NSL1: variants seen among roughly 807,000 people sequenced by gnomAD.
NSL1 encodes the protein kinetochore-associated protein NSL1 homolog.
NSL1 carries 11 observed loss-of-function variants against 25.4 expected under a neutral mutation model. The ratio of observed to expected loss-of-function variants is 0.43; its 90% CI spans 0.27 to 0.72. The LOEUF (loss-of-function observed/expected upper bound fraction) is 0.72, where lower values mean the gene tolerates loss of function less well. Among genes scored for constraint, NSL1 ranks in the 30% least tolerant of loss-of-function variants. The pLI, the probability that NSL1 is intolerant of heterozygous loss-of-function variation, is 0.19. For synonymous variants in NSL1, 118 were observed against 120.6 expected (o/e 0.98, Z 0.14); for missense variants, 330 against 342.7 (o/e 0.96, Z 0.29).
chr1:212,761,022 T>C (rs1457151937), intron 4 of NSL1, among the ~76,000 whole-genome samples: 1 of 152,182 alleles, frequency 6.6e-6, no homozygotes, highest in Non-Finnish European at 1.5e-5. Flanking sequence ...GCAGAGACTA[T>C]ACTATTGCAC....
Position 212,787,612 on chromosome 1 carries a change from T to C in NSL1, c.260A>G (p.Asn87Ser). The C allele has an allele frequency of 6.2e-7, 1 of 1,607,222 alleles. No homozygotes were observed. The highest frequency in any genetic ancestry group is 2.2e-5 in the East Asian group (1 of 44,456). The change falls in exon 2 of 6, where the codon AAT becomes AGT. Residue 87 changes from asparagine (N) to serine (S), a missense_variant. Physicochemically the swap from Asn to Ser is conservative, Grantham distance 46. Transcript: ENST00000366977. ...QWTFESAVQENISINGQAWQE... is the reference protein window; with the variant it reads ...QWTFESAVQESISINGQAWQE... Reference sequence around the variant, plus strand: ...CCATGCTTGCCCATTAATGCTGATATTCTCTTGCACAGCTGATTCAAAAGT... The same window carrying C: ...CCATGCTTGCCCATTAATGCTGATACTCTCTTGCACAGCTGATTCAAAAGT...
At chr1:212,759,363 A>G (rs1424168176) in intron 4 of NSL1, among the ~76,000 whole-genome samples, 1 of 152,184 alleles carries the variant, frequency 6.6e-6, no homozygotes, top group Middle Eastern at 3.2e-3. Flanking sequence ...GACAGCATCC[A>G]AGAAAAAACA....
At position 212,731,503 on chromosome 1, in the gene NSL1, T is replaced by C; in HGVS notation, c.*6905A>G. ...GAGAAAGGTTCTAGGGGATGATTTG[T>C]CTCTTAAACCAAATTTATTTTCCCT... On this transcript the variant is annotated 3_prime_UTR_variant, in exon 6 of 6. Coordinates refer to ENST00000366977, the MANE Select transcript of NSL1 (RefSeq NM_015471.4). 1 of 985,426 alleles carries C rather than the reference T, an allele frequency of 1.0e-6. No individual in the cohort carries two copies. The highest frequency in any genetic ancestry group is 1.2e-6 in the Non-Finnish European group (1 of 829,926). 61.0% of individuals were successfully genotyped at this position (985,426 alleles called of 1,614,324 possible). A position where few individuals can be genotyped will look rare whatever the true frequency, so the allele number is the denominator to read the frequency against.
chr1:212,746,609 T>C (rs1006013595), intron 4 of NSL1, among the ~76,000 whole-genome samples: 7 of 152,192 alleles, frequency 4.6e-5, no homozygotes, highest in Admixed American at 3.9e-4. Context: ...AAGAAAGACA[T>C]GATTCCAACT....
chr1:212,753,064 CAA>C (rs1659141605), intron 4 of NSL1, among the ~76,000 whole-genome samples: 1 of 152,140 alleles, frequency 6.6e-6, no homozygotes, highest in Non-Finnish European at 1.5e-5. Flanking sequence ...AAAATGAAAC[CAA>C]AAACACAGCA....
chr1:212,776,703 TAAAAC>T (rs144006991), intron 4 of NSL1, among the ~76,000 whole-genome samples: 15,500 of 146,762 alleles, frequency 0.11, 942 homozygotes, highest in African/African-American at 0.17. Flanking sequence ...AGGAAAACGG[TAAAAC>T]AAAACAAAAC....
chr1:212,778,394 GCTCTCTC>G (rs138207174), intron 4 of NSL1, among the ~76,000 whole-genome samples: 3,472 of 152,072 alleles, frequency 0.023, 61 homozygotes, highest in South Asian at 0.042. Flanking sequence ...GTCAGTTTTC[GCTCTCTC>G]CTCTCTCCTC....
chr1:212,745,163 T>A (rs200712810), intron 4 of NSL1, among the ~76,000 whole-genome samples: 2,115 of 11,678 alleles, frequency 0.18, 15 homozygotes, highest in Non-Finnish European at 0.29. Flanking sequence ...AAACAAACTA[T>A]ATATATATAT....
Position 212,739,597 on chromosome 1 carries a change from A to T in NSL1, c.504T>A (p.Pro168=), listed in dbSNP as rs373487989. 8.7e-6 allele frequency: 14 copies of T among 1,613,136 alleles called. No individual in the cohort carries two copies. Among genetic ancestry groups the T allele is most frequent in the Middle Eastern group, 1.6e-4 (1 of 6,078 alleles). ...CTCTGCATTTCAAATTTTCCATATGAGGGGCTGCAAAAACATTGCCAAACA... is the reference window on the plus strand; with the variant it reads ...CTCTGCATTTCAAATTTTCCATATGTGGGGCTGCAAAAACATTGCCAAACA... The part of the protein sequence containing the change: ...LDLKYDPDPA[P]HMENLKCRGE... The change falls in exon 5 of 6, where the codon CCT becomes CCA. Residue 168 remains proline, a synonymous_variant. Transcript: ENST00000366977.
At chr1:212,784,631 C>T in intron 2 of NSL1, 138 bp from the exon 3 acceptor site, 1 of 491,582 alleles carries the variant, frequency 2.0e-6, no homozygotes, top group Non-Finnish European at 3.5e-6. Flanking sequence ...TTAATGAATG[C>T]CCCCACTTTG....
Position 212,738,081 on chromosome 1 carries a change from C to T in NSL1, c.*327G>A. 3.0e-6 allele frequency: 3 copies of T among 1,006,830 alleles called. No individual in the cohort carries two copies. Among genetic ancestry groups the T allele is most frequent in the Non-Finnish European group, 3.5e-6 (3 of 845,416 alleles). The allele number at this position is 1,006,830 out of a possible 1,614,324, so 62.4% of individuals were successfully genotyped here. On this transcript the variant is annotated 3_prime_UTR_variant, in exon 6 of 6. Transcript: ENST00000366977. ...CAGGGAAACACAACAGAATTTGTTA[C>T]TTGTTAAATCCCACAAAAGCTACAA...
Position 212,727,050 on chromosome 1 carries a change from AG to A in NSL1, c.*11357del. ...CTTGGAGATGACTGCCGAGAGAGGG[AG>A]GGCGGGCTCTGGGTCACCCAGCTTC... is the stretch of plus-strand genomic sequence containing the variant. On this transcript the variant is annotated 3_prime_UTR_variant, in exon 6 of 6. Transcript: ENST00000366977. 6.7e-7 allele frequency: 1 copy of A among 1,495,148 alleles called. No individual in the cohort carries two copies. The highest frequency in any genetic ancestry group is 9.0e-7 in the Non-Finnish European group (1 of 1,111,648). 92.6% of individuals were successfully genotyped at this position (1,495,148 alleles called of 1,614,324 possible). A position where few individuals can be genotyped will look rare whatever the true frequency, so the allele number is the denominator to read the frequency against.
At chr1:212,761,441 G>T (rs1377864903) in intron 4 of NSL1, among the ~76,000 whole-genome samples, 1 of 151,964 alleles carries the variant, frequency 6.6e-6, no homozygotes, top group Non-Finnish European at 1.5e-5. Context: ...GGAGTTTGGG[G>T]CCAGCCTTAG....
intron 4 of NSL1, among the ~76,000 whole-genome samples, chr1:212,745,160 C>CTATATATA (rs59293969): frequency 2.2e-4 from 26 of 117,664 alleles, no homozygotes; most frequent in African/African-American, 6.9e-4. Flanking sequence ...AACAAACAAA[C>CTATATATA]TATATATATA....
intron 3 of NSL1, 77 bp from the exon 4 acceptor site, chr1:212,782,503 A>T (rs1660771744): frequency 4.9e-6 from 5 of 1,017,204 alleles, no homozygotes; most frequent in Non-Finnish European, 7.8e-6. Context: ...AATATGGGAG[A>T]TATACTATAG....
At chr1:212,757,316 G>T (rs1317458899) in intron 4 of NSL1, among the ~76,000 whole-genome samples, 1 of 152,170 alleles carries the variant, frequency 6.6e-6, no homozygotes, top group Non-Finnish European at 1.5e-5. Flanking sequence ...CCACTGGAGG[G>T]CCTTCAACAG....
rs202017196 is a variant in NSL1, at chr1:212,775,601, G to GAA, written c.499+6769_499+6770dup. On this transcript the variant is annotated intron_variant, in intron 4 of 5. Coordinates refer to ENST00000366977, the MANE Select transcript of NSL1 (RefSeq NM_015471.4). ...ATATAGAAAGACCCCACCTCTACCAGAAAAAAAAAACAAAACAAAACTCAA... is the reference window on the plus strand; with the variant it reads ...ATATAGAAAGACCCCACCTCTACCAGAAAAAAAAAAAACAAAACAAAACTCAA... 1.7e-5 allele frequency among the ~76,000 whole-genome samples: 2 copies of GAA among 117,940 alleles called. 1 individual carries two copies. Among genetic ancestry groups the GAA allele is most frequent in the South Asian group, 5.1e-4 (2 of 3,936 alleles). 77.4% of individuals were successfully genotyped at this position (117,940 alleles called of 152,430 possible).
At chr1:212,745,179 TATATATATATATATATATATATATGC>T (rs757778505) in intron 4 of NSL1, among the ~76,000 whole-genome samples, 10,309 of 39,934 alleles carry the variant, frequency 0.26, 457 homozygotes, top group Non-Finnish European at 0.31. Flanking sequence ...TATATATATA[TATATATATATATATATATATATATGC>T]ATATGCATAT....
intron 4 of NSL1, among the ~76,000 whole-genome samples, chr1:212,775,973 G>A (rs913538153): frequency 6.6e-6 from 1 of 151,884 alleles, no homozygotes; most frequent in Non-Finnish European, 1.5e-5. Flanking sequence ...GACTACAGGC[G>A]CCCACCACTG....
Sources: gnomAD v4.1 joint callset for allele counts (sites outside exome capture counted in the v4.1 genomes callset) on GRCh38, gnomAD v4.1.1 for gene constraint, MANE v1.5 for transcripts, NCBI Gene and HGNC (gene_info 2026-07-23, HGNC 2026-07-21) for gene names.